Variants in PAK5 observed in about 807,000 individuals in gnomAD.
The protein encoded by PAK5 is p21 (RAC1) activated kinase 5.
Under a neutral mutation model 65.9 loss-of-function variants are expected in PAK5, and 16 were observed. That is an observed-to-expected ratio of 0.24 (90% CI 0.16 to 0.37). PAK5 has a LOEUF of 0.37. PAK5 is among the 10% of genes least tolerant of loss of function. The pLI, the probability that PAK5 is intolerant of heterozygous loss-of-function variation, is 1.00. For synonymous variants in PAK5, 371 were observed against 354.9 expected (o/e 1.05, Z -0.51); for missense variants, 785 against 903.9 (o/e 0.87, Z 1.69).
chr20:9,746,241 C>T (rs1005911952), intron 1 of PAK5, among the ~76,000 whole-genome samples: 15 of 152,092 alleles, frequency 9.9e-5, no homozygotes, highest in African/African-American at 4.8e-5. Flanking sequence ...TCTCTTAAGG[C>T]GCTTTCCCAT....
chr20:9,765,441 C>T (rs1022376427), intron 1 of PAK5, among the ~76,000 whole-genome samples: 2 of 152,156 alleles, frequency 1.3e-5, no homozygotes, highest in South Asian at 4.1e-4. Flanking sequence ...TCCCTAGCCT[C>T]CATTTTTTTT....
At chr20:9,794,142 A>G (rs1028581105) in intron 1 of PAK5, among the ~76,000 whole-genome samples, 1 of 148,994 alleles carries the variant, frequency 6.7e-6, no homozygotes, top group African/African-American at 2.4e-5. Flanking sequence ...ACACATGGAC[A>G]TAGGGAGGGG....
chr20:9,593,078 C>T (rs1413249227), intron 3 of PAK5, among the ~76,000 whole-genome samples: 1 of 151,944 alleles, frequency 6.6e-6, no homozygotes, highest in Non-Finnish European at 1.5e-5. Context: ...GGTAGGAGGA[C>T]TGCTTGAGGC....
chr20:9,807,802 A>T (rs2049252058), intron 1 of PAK5, among the ~76,000 whole-genome samples: 2 of 148,054 alleles, frequency 1.4e-5, no homozygotes, highest in Admixed American at 6.7e-5. Flanking sequence ...ATCCAGTGCA[A>T]CCCTGCCTTC....
chr20:9,692,077 A>G (rs953278734), intron 2 of PAK5, among the ~76,000 whole-genome samples: 2 of 152,178 alleles, frequency 1.3e-5, no homozygotes, highest in Admixed American at 1.3e-4. Flanking sequence ...AATTGTTCAA[A>G]CTTTGCTGAT....
rs552637543 is a variant in PAK5, at chr20:9,542,910, C to A, written c.1870-190G>T. ...GCTAACAGTCTTTGCCTTTTATGGA[C>A]AACTTCAGTGAAGGTTCCACCCATC... On this transcript the variant is annotated intron_variant, in intron 8 of 9. Transcript: ENST00000353224. 3.3e-5 allele frequency among the ~76,000 whole-genome samples: 5 copies of A among 152,310 alleles called. No homozygotes were observed. The South Asian group carries it at 1.0e-3, about 32-fold the overall frequency.
chr20:9,681,340 C>T (rs1400002551), intron 2 of PAK5, among the ~76,000 whole-genome samples: 1 of 152,018 alleles, frequency 6.6e-6, no homozygotes, highest in Admixed American at 6.6e-5. Flanking sequence ...TTCATCCAGC[C>T]ACACATTCTG....
chr20:9,618,279 A>G (rs1426267738), intron 3 of PAK5, among the ~76,000 whole-genome samples: 1 of 152,124 alleles, frequency 6.6e-6, no homozygotes. Context: ...CCTCTAAATT[A>G]TAATCAAATT....
rs748957978 is a variant in PAK5, at chr20:9,537,396, C to T, written c.*2066G>A. 36 of 195,542 alleles carry T rather than the reference C, an allele frequency of 1.8e-4. No homozygotes were observed. The highest frequency in any genetic ancestry group is 2.1e-5 in the Non-Finnish European group (2 of 93,822). The allele number at this position is 195,542 out of a possible 1,614,324, so 12.1% of individuals were successfully genotyped here. ...TTCCAATAACACAATGGGGAAAAGG[C>T]AAACATTTATTTTTATTTGCAAATG... On this transcript the variant is annotated 3_prime_UTR_variant, in exon 10 of 10. Transcript: ENST00000353224.
chr20:9,748,949 G>A (rs1421988807), intron 1 of PAK5, among the ~76,000 whole-genome samples: 3 of 152,038 alleles, frequency 2.0e-5, no homozygotes, highest in African/African-American at 4.8e-5. Context: ...AGTTTCTCTC[G>A]TGCCCTGTTC....
intron 1 of PAK5, among the ~76,000 whole-genome samples, chr20:9,764,191 G>A (rs1485522638): frequency 6.6e-6 from 1 of 152,048 alleles, no homozygotes; most frequent in Non-Finnish European, 1.5e-5. Flanking sequence ...ACACTGTGTT[G>A]GCTTCCATGA....
At chr20:9,597,266 C>T (rs2046287391) in intron 3 of PAK5, among the ~76,000 whole-genome samples, 1 of 152,206 alleles carries the variant, frequency 6.6e-6, no homozygotes. Flanking sequence ...CTCTCCATGT[C>T]TCAGCTAATC....
chr20:9,810,232 C>A (rs1039335116), intron 1 of PAK5, among the ~76,000 whole-genome samples: 2 of 152,094 alleles, frequency 1.3e-5, no homozygotes, highest in Non-Finnish European at 2.9e-5. Context: ...CCAAAGGTGA[C>A]CCCAGCATGC....
chr20:9,667,315 G>A (rs2123354570), intron 2 of PAK5, among the ~76,000 whole-genome samples: 1 of 152,060 alleles, frequency 6.6e-6, no homozygotes, highest in East Asian at 1.9e-4. Flanking sequence ...CTCCTCTTCA[G>A]CCTGGAATGC....
intron 1 of PAK5, among the ~76,000 whole-genome samples, chr20:9,766,373 A>T (rs1266180566): frequency 1.5e-4 from 7 of 45,794 alleles, no homozygotes; most frequent in African/African-American, 7.2e-4. Context: ...ATATATATTC[A>T]AGCAGAATAT....
intron 1 of PAK5, among the ~76,000 whole-genome samples, chr20:9,736,531 G>C (rs773919265): frequency 3.3e-5 from 5 of 152,168 alleles, no homozygotes; most frequent in Non-Finnish European, 7.3e-5. Context: ...CCAGTCATAA[G>C]AGGAAGCTCA....
intron 1 of PAK5, among the ~76,000 whole-genome samples, chr20:9,814,832 T>A (rs1176380372): frequency 1.3e-5 from 2 of 152,180 alleles, no homozygotes; most frequent in Non-Finnish European, 2.9e-5. Context: ...TTTTGCTATC[T>A]ATATTGCTAG....
At chr20:9,823,667 A>T (rs145490679) in intron 1 of PAK5, among the ~76,000 whole-genome samples, 1 of 152,098 alleles carries the variant, frequency 6.6e-6, no homozygotes, top group African/African-American at 2.4e-5. Context: ...TTTATAAATT[A>T]CCCAGTCTTG....
chr20:9,726,035 G>A (rs2048273514), intron 1 of PAK5, among the ~76,000 whole-genome samples: 1 of 151,996 alleles, frequency 6.6e-6, no homozygotes, highest in South Asian at 2.1e-4. Flanking sequence ...TATATTTAAA[G>A]GTAGAGAGAT....
Sources: gnomAD v4.1 joint callset for allele counts (sites outside exome capture counted in the v4.1 genomes callset) on GRCh38, gnomAD v4.1.1 for gene constraint, MANE v1.5 for transcripts, NCBI Gene and HGNC (gene_info 2026-07-23, HGNC 2026-07-21) for gene names.